The following TIA1 variants were observed in gnomAD, a reference collection of about 807,000 sequenced individuals.
The protein encoded by TIA1 is cytotoxic granule associated RNA binding protein TIA1.
In TIA1, 23 loss-of-function variants were observed where a neutral mutation model predicts 65.9. The observed-to-expected ratio is 0.35, with a 90% CI of 0.25 to 0.49. The LOEUF is 0.49. Among genes scored for constraint, TIA1 ranks in the 20% least tolerant of loss-of-function variants. The probability of loss-of-function intolerance (pLI) is 0.98; values close to 1 mark genes in which losing one functional copy is unlikely to be tolerated. For missense variants in TIA1, 371 were observed against 477.9 expected (o/e 0.78, Z 2.09); for synonymous variants, 147 against 149.4 (o/e 0.98, Z 0.12).
intron 1 of TIA1, among the ~76,000 whole-genome samples, chr2:70,237,721 G>T (rs58449545): frequency 3.3e-5 from 5 of 151,810 alleles, no homozygotes; most frequent in Admixed American, 2.0e-4. Context: ...AAAATTAGCC[G>T]GGCGTGGTGG....
chr2:70,232,855 G>A (rs928677936), intron 2 of TIA1, among the ~76,000 whole-genome samples: 17 of 151,890 alleles, frequency 1.1e-4, no homozygotes, highest in Middle Eastern at 3.4e-3. Context: ...GGCGCACAGC[G>A]AGACTCTGTC....
chr2:70,235,574 G>GTGTGTGTA (rs1553451759), intron 2 of TIA1, among the ~76,000 whole-genome samples: 2 of 151,026 alleles, frequency 1.3e-5, no homozygotes, highest in Non-Finnish European at 3.0e-5. Context: ...GTGTGTGTAT[G>GTGTGTGTA]TGTGTGTGTT....
rs1374724167 is a variant in TIA1, at chr2:70,211,311, AAAT to A, written c.*1405_*1407del. On this transcript the variant is annotated 3_prime_UTR_variant, in exon 13 of 13. Transcript: ENST00000433529. ...CCTCTTAATGCTTGGAGCCACCCCAAAATAATAAAATCGGGAACTCCAGGAAAA... is the reference window on the plus strand; with the variant it reads ...CCTCTTAATGCTTGGAGCCACCCCAAAATAAAATCGGGAACTCCAGGAAAA... 1 of 152,210 alleles carries A rather than the reference AAAT, an allele frequency of 6.6e-6. No individual in the cohort carries two copies. The highest frequency in any genetic ancestry group is 2.4e-5 in the African/African-American group (1 of 41,452). 9.4% of individuals were successfully genotyped at this position (152,210 alleles called of 1,614,324 possible).
intron 2 of TIA1, among the ~76,000 whole-genome samples, chr2:70,232,059 G>A (rs910836398): frequency 7.9e-5 from 12 of 151,184 alleles, no homozygotes; most frequent in Non-Finnish European, 1.3e-4. Context: ...AAAATTAGCC[G>A]GGCCTGGTGG....
chr2:70,243,774 A>C (rs894797682), intron 1 of TIA1, among the ~76,000 whole-genome samples: 16 of 152,328 alleles, frequency 1.1e-4, no homozygotes, highest in Admixed American at 2.6e-4. Flanking sequence ...CTCACATGCC[A>C]CATCTAAGCC....
At chr2:70,248,273 G>A (rs915794041) in intron 1 of TIA1, 132 bp downstream of exon 1, 12 of 1,017,436 alleles carry the variant, frequency 1.2e-5, no homozygotes, top group Non-Finnish European at 1.7e-5. Flanking sequence ...GCATCCAGGT[G>A]CATGCTAAGG....
intron 10 of TIA1, 141 bp downstream of exon 10, chr2:70,216,067 T>C (rs759154945): frequency 3.2e-5 from 28 of 873,952 alleles, no homozygotes; most frequent in Non-Finnish European, 4.3e-5. Flanking sequence ...TTCAACTTTT[T>C]TATAACCAAG....
At chr2:70,220,713 C>A (rs1298660150) in intron 7 of TIA1, among the ~76,000 whole-genome samples, 1 of 151,870 alleles carries the variant, frequency 6.6e-6, no homozygotes, top group Non-Finnish European at 1.5e-5. Context: ...TAAAACTACT[C>A]ACTCAAAAAA....
chr2:70,222,347 T>C (rs569109366), intron 7 of TIA1, among the ~76,000 whole-genome samples: 2 of 152,302 alleles, frequency 1.3e-5, no homozygotes, highest in Non-Finnish European at 2.9e-5. Context: ...GCCAAGACAG[T>C]ACTCTGTACT....
chr2:70,223,815 T>G (rs1226443965), intron 7 of TIA1, among the ~76,000 whole-genome samples: 1 of 152,166 alleles, frequency 6.6e-6, no homozygotes, highest in Non-Finnish European at 1.5e-5. Flanking sequence ...CCAGTATTTA[T>G]CTCAAACTTC....
chr2:70,246,672 G>T (rs985432771), intron 1 of TIA1, among the ~76,000 whole-genome samples: 3 of 152,186 alleles, frequency 2.0e-5, no homozygotes, highest in African/African-American at 4.8e-5. Flanking sequence ...GATCACCTGA[G>T]GTCAGGAGTT....
intron 1 of TIA1, among the ~76,000 whole-genome samples, chr2:70,244,142 A>G (rs1476866926): frequency 1.3e-5 from 2 of 152,136 alleles, no homozygotes; most frequent in African/African-American, 4.8e-5. Flanking sequence ...CCTGCCCCCA[A>G]GGGCCCCTTG....
rs1315466089 is a variant in TIA1 at position 70,213,491 on chromosome 2, C to T, written c.1035-646G>A. On this transcript the variant is annotated intron_variant, in intron 12 of 12. Coordinates refer to ENST00000433529, the MANE Select transcript of TIA1 (RefSeq NM_022173.4). The stretch of plus-strand genomic sequence containing the variant: ...TCCCGAACATCTGGGATTATAGGCA[C>T]GCAACCACCATGCCTGGCTAATTTT... Among the ~76,000 whole-genome samples, 7 of 151,238 alleles carry T rather than the reference C, an allele frequency of 4.6e-5. No homozygotes were observed. In the East Asian group the frequency reaches 5.8e-4, roughly 13 times the overall value.
chr2:70,227,977 T>C (rs1322500757), intron 5 of TIA1, 155 bp from the exon 6 acceptor site: 1 of 498,650 alleles, frequency 2.0e-6, no homozygotes, highest in African/African-American at 2.0e-5. Context: ...ATCCTACCAA[T>C]TTTAAACAAT....
At chr2:70,220,201 A>T (rs1680653035) in intron 7 of TIA1, among the ~76,000 whole-genome samples, 1 of 152,098 alleles carries the variant, frequency 6.6e-6, no homozygotes, top group Non-Finnish European at 1.5e-5. Flanking sequence ...TGAGCCCAGG[A>T]GTTCGAGACC....
intron 5 of TIA1, 72 bp downstream of exon 5, chr2:70,228,987 C>CAAA: frequency 2.2e-6 from 2 of 916,560 alleles, no homozygotes; most frequent in South Asian, 2.7e-5. Flanking sequence ...AAATATCAAA[C>CAAA]AAAAAAACTT....
At chr2:70,212,937 G>A (rs1676904007) in intron 12 of TIA1, 92 bp from the exon 13 acceptor site, 3 of 794,316 alleles carry the variant, frequency 3.8e-6, no homozygotes, top group Non-Finnish European at 6.5e-6. Flanking sequence ...ACAAATATGG[G>A]AAATGGGAAA....
At chr2:70,230,497 G>T (rs1438587207) in intron 3 of TIA1, among the ~76,000 whole-genome samples, 1 of 151,450 alleles carries the variant, frequency 6.6e-6, no homozygotes, top group African/African-American at 2.4e-5. Flanking sequence ...CTAAAAATAC[G>T]AAAAATTAGC....
chr2:70,222,075 C>T (rs1340231167), intron 7 of TIA1, among the ~76,000 whole-genome samples: 3 of 151,894 alleles, frequency 2.0e-5, no homozygotes, highest in Non-Finnish European at 4.4e-5. Flanking sequence ...CCACTGTGCC[C>T]GGCCACACTG....
Sources: allele counts gnomAD v4.1 joint callset (sites outside exome capture counted in the v4.1 genomes callset), GRCh38; gene constraint gnomAD v4.1.1; transcripts MANE v1.5; gene names NCBI Gene and HGNC (gene_info 2026-07-23, HGNC 2026-07-21).